The following MED20 variants were observed in gnomAD, a reference collection of about 807,000 sequenced individuals.
MED20 encodes the protein mediator complex subunit 20.
MED20 carries 19 observed loss-of-function variants against 19.7 expected under a neutral mutation model. The ratio of observed to expected loss-of-function variants is 0.96; its 90% CI spans 0.67 to 1.42. The LOEUF (loss-of-function observed/expected upper bound fraction) is 1.42, where lower values mean the gene tolerates loss of function less well. MED20 is among the 40% of genes most tolerant of loss of function. The probability of loss-of-function intolerance (pLI) is 0.00; values close to 1 mark genes in which losing one functional copy is unlikely to be tolerated. For missense variants in MED20, 225 were observed against 273.0 expected (o/e 0.82, Z 1.24); for synonymous variants, 105 against 104.8 (o/e 1.00, Z -0.01).
Position 41,906,926 on chromosome 6 carries a change from GA to G in MED20, c.*145del. The G allele has an allele frequency of 1.4e-6, 1 of 710,110 alleles. No homozygotes were observed. The highest frequency in any genetic ancestry group is 2.3e-6 in the Non-Finnish European group (1 of 432,056). The allele number at this position is 710,110 out of a possible 1,614,324, so 44.0% of individuals were successfully genotyped here. ...GGGTTGGGGAGGGGACTCAGCCCCA[GA>G]ACAAAAGCCACAGCTGAGAACCAGA... On this transcript the variant is annotated 3_prime_UTR_variant, in exon 4 of 4. Transcript: ENST00000265350.
At chr6:41,920,847 C>G in intron 1 of MED20, 158 bp downstream of exon 1, 1 of 868,566 alleles carries the variant, frequency 1.2e-6, no homozygotes, top group Non-Finnish European at 1.7e-6. Context: ...TCTGAGGAAA[C>G]AAGCCCGGGG....
intron 1 of MED20, among the ~76,000 whole-genome samples, chr6:41,920,506 A>T (rs951344849): frequency 2.0e-5 from 3 of 152,216 alleles, no homozygotes; most frequent in Non-Finnish European, 4.4e-5. Flanking sequence ...GGGAAGGAAG[A>T]TGTATCCAGA....
chr6:41,916,392 C>G lies in MED20; in HGVS notation c.169+393G>C, dbSNP rs528799627. Among the ~76,000 whole-genome samples, 189 of 152,180 alleles carry G rather than the reference C, an allele frequency of 1.2e-3. 1 individual carries two copies. Among genetic ancestry groups the G allele is most frequent in the African/African-American group, 4.4e-3 (183 of 41,536 alleles). ...GTCGGGAGTTCGAGATCAGCCTGACCCACACAGAGAAACCCCATATCTACC... is the reference window on the plus strand; with the variant it reads ...GTCGGGAGTTCGAGATCAGCCTGACGCACACAGAGAAACCCCATATCTACC... On this transcript the variant is annotated intron_variant, in intron 2 of 3. Transcript: ENST00000265350.
Position 41,921,112 on chromosome 6 carries a change from T to A in MED20, c.-94A>T. 6.5e-7 allele frequency: 1 copy of A among 1,528,814 alleles called. No individual in the cohort carries two copies. The highest frequency in any genetic ancestry group is 8.9e-7 in the Non-Finnish European group (1 of 1,118,680). The allele number at this position is 1,528,814 out of a possible 1,614,324, so 94.7% of individuals were successfully genotyped here. ...CTCCTTCAGTTCCCCAACACAACCT[T>A]CTGTCTCAGAAGGGACTCCGGAAAT... On this transcript the variant is annotated 5_prime_UTR_variant, in exon 1 of 4. Transcript: ENST00000265350.
chr6:41,911,917 T>A (rs560658521), intron 2 of MED20, among the ~76,000 whole-genome samples: 1 of 152,334 alleles, frequency 6.6e-6, no homozygotes, highest in Non-Finnish European at 1.5e-5. Context: ...TGTAATTGCA[T>A]ACTTTATTCA....
Position 41,915,762 on chromosome 6 carries a change from G to A in MED20, c.169+1023C>T, listed in dbSNP as rs552944024. Reference sequence around the variant, plus strand: ...AGATTGCGCCACTGCACTCCAGCCTGGGCGACAGAGCCAGACTCCGTCTCA... The same window carrying A: ...AGATTGCGCCACTGCACTCCAGCCTAGGCGACAGAGCCAGACTCCGTCTCA... On this transcript the variant is annotated intron_variant, in intron 2 of 3. Transcript: ENST00000265350. Among the ~76,000 whole-genome samples, 47 of 102,236 alleles carry A rather than the reference G, an allele frequency of 4.6e-4. 1 individual carries two copies. Among genetic ancestry groups the A allele is most frequent in the Non-Finnish European group, 9.0e-4 (43 of 47,564 alleles). 67.1% of individuals were successfully genotyped at this position (102,236 alleles called of 152,430 possible).
chr6:41,915,741 T>A (rs1314032435), intron 2 of MED20, among the ~76,000 whole-genome samples: 1 of 147,124 alleles, frequency 6.8e-6, no homozygotes, highest in Non-Finnish European at 1.5e-5. Flanking sequence ...GAGCCGAGAT[T>A]GCGCCACTGC....
chr6:41,909,503 C>T lies in MED20; in HGVS notation c.189G>A (p.Met63Ile), dbSNP rs1471503008. 1.9e-6 allele frequency: 3 copies of T among 1,614,096 alleles called. No individual in the cohort carries two copies. The highest frequency in any genetic ancestry group is 1.3e-5 in the African/African-American group (1 of 74,938). ...LGSQGQTGKL[M>I]YVMHNSEYPL... Reference sequence around the variant, plus strand: ...GGTACTCTGAGTTGTGCATCACATACATCAGCTTCCCGGTCTGACCTGCAA... The same window carrying T: ...GGTACTCTGAGTTGTGCATCACATATATCAGCTTCCCGGTCTGACCTGCAA... Residue 63 changes from methionine (M) to isoleucine (I), a missense_variant, in exon 3 of 4, where the codon ATG becomes ATA. Met to Ile is a conservative substitution (Grantham distance 10, BLOSUM62 1). Transcript: ENST00000265350.
intron 1 of MED20, chr6:41,917,377 G>A (rs1166556533): frequency 2.3e-5 from 4 of 172,760 alleles, no homozygotes; most frequent in African/African-American, 9.6e-5. Flanking sequence ...TCCAGCCTGG[G>A]CGACAGGGCG....
chr6:41,917,586 G>C (rs764761594), intron 1 of MED20: 6 of 353,800 alleles, frequency 1.7e-5, no homozygotes, highest in Non-Finnish European at 3.4e-5. Context: ...CTAAGAACTG[G>C]AGCACAGTTC....
chr6:41,917,446 G>A (rs889655733), intron 1 of MED20: 1 of 202,562 alleles, frequency 4.9e-6, no homozygotes, highest in African/African-American at 2.4e-5. Context: ...TAGTTAGAGT[G>A]GGGAAGAGTA....
At chr6:41,917,556 C>G (rs1017360138) in intron 1 of MED20, 8 of 331,096 alleles carry the variant, frequency 2.4e-5, no homozygotes, top group Admixed American at 3.9e-5. Flanking sequence ...AATAGAGGAC[C>G]ACAGTCCCTG....
chr6:41,907,458 T>C (rs1775085653), intron 3 of MED20, among the ~76,000 whole-genome samples, 171 bp from the exon 4 acceptor site: 1 of 152,126 alleles, frequency 6.6e-6, no homozygotes, highest in Non-Finnish European at 1.5e-5. Context: ...CTGGGCTCAA[T>C]ACCCAGCATC....
chr6:41,909,489 T>G lies in MED20; in HGVS notation c.203A>C (p.Asn68Thr), dbSNP rs201278954. The change falls in exon 3 of 4, where the codon AAC becomes ACC. Residue 68 changes from asparagine to threonine, a missense_variant. By Grantham distance (65) the Asn-to-Thr change is moderately conservative (BLOSUM62 0). Coordinates refer to ENST00000265350, the MANE Select transcript of MED20 (RefSeq NM_004275.5). ...QTGKLMYVMH[N>T]SEYPLSCFAL... The stretch of plus-strand genomic sequence containing the variant: ...GAAACAGCTCAATGGGTACTCTGAG[T>G]TGTGCATCACATACATCAGCTTCCC... 3.1e-6 allele frequency: 5 copies of G among 1,614,156 alleles called. No individual in the cohort carries two copies. In the African/African-American group the frequency reaches 6.7e-5, roughly 22 times the overall value.
At chr6:41,913,888 A>G (rs137888939) in intron 2 of MED20, among the ~76,000 whole-genome samples, 3 of 152,094 alleles carry the variant, frequency 2.0e-5, no homozygotes, top group Non-Finnish European at 4.4e-5. Context: ...ACAAGAACAA[A>G]ACTCCGTCTC....
At chr6:41,919,885 A>C (rs1775415131) in intron 1 of MED20, among the ~76,000 whole-genome samples, 1 of 152,244 alleles carries the variant, frequency 6.6e-6, no homozygotes, top group Non-Finnish European at 1.5e-5. Context: ...CAATCGTAGG[A>C]AGCAAGAGTG....
intron 1 of MED20, among the ~76,000 whole-genome samples, chr6:41,918,846 C>G (rs887907159): frequency 6.7e-6 from 1 of 149,164 alleles, no homozygotes; most frequent in Non-Finnish European, 1.5e-5. Context: ...ACTCGGGAGG[C>G]TGAGGCAGGA....
At chr6:41,920,120 T>C (rs1224626720) in intron 1 of MED20, among the ~76,000 whole-genome samples, 1 of 152,182 alleles carries the variant, frequency 6.6e-6, no homozygotes, top group Non-Finnish European at 1.5e-5. Flanking sequence ...TACCTTTCCC[T>C]GCCACCTCAT....
chr6:41,919,128 CAAAAAAAA>C (rs35512146), intron 1 of MED20, among the ~76,000 whole-genome samples: 9 of 44,888 alleles, frequency 2.0e-4, no homozygotes, highest in South Asian at 8.6e-4. Context: ...GACTCTGCCT[CAAAAAAAA>C]AAAAAAAAAA....
Sources: gnomAD v4.1 joint callset for allele counts (sites outside exome capture counted in the v4.1 genomes callset) on GRCh38, gnomAD v4.1.1 for gene constraint, MANE v1.5 for transcripts, NCBI Gene and HGNC (gene_info 2026-07-23, HGNC 2026-07-21) for gene names.